SOHLH2: variants seen among roughly 807,000 people sequenced by gnomAD.
SOHLH2 encodes the protein spermatogenesis and oogenesis specific basic helix-loop-helix 2, also known as spermatogenesis- and oogenesis-specific basic helix-loop-helix-containing protein 2.
A neutral mutation model predicts 50.4 loss-of-function variants in SOHLH2; 22 were observed. The observed-to-expected ratio is 0.44, with a 90% CI of 0.31 to 0.62. SOHLH2 has a LOEUF of 0.62. Among genes scored for constraint, SOHLH2 ranks in the 20% least tolerant of loss-of-function variants. The pLI is 0.08. For missense variants in SOHLH2, 412 were observed against 504.4 expected (o/e 0.82, Z 1.76); for synonymous variants, 185 against 187.3 (o/e 0.99, Z 0.10).
intron 1 of SOHLH2, 25 bp from the exon 2 acceptor site, chr13:36,202,118 T>TCA (rs766734231): frequency 6.2e-7 from 1 of 1,612,540 alleles, no homozygotes; most frequent in East Asian, 2.2e-5. Flanking sequence ...AGCAGAGGCG[T>TCA]CACATAATTA....
intron 6 of SOHLH2, among the ~76,000 whole-genome samples, chr13:36,177,908 T>C (rs1887136108): frequency 6.6e-6 from 1 of 152,012 alleles, no homozygotes; most frequent in Non-Finnish European, 1.5e-5. Flanking sequence ...AAGTTTTAAA[T>C]TTTGATAAAT....
chr13:36,191,355 G>A (rs944772461), intron 5 of SOHLH2, among the ~76,000 whole-genome samples: 1 of 152,168 alleles, frequency 6.6e-6, no homozygotes, highest in Non-Finnish European at 1.5e-5. Flanking sequence ...CAATAACTGG[G>A]TGGATAGGTT....
At chr13:36,184,335 T>C (rs945263150) in intron 6 of SOHLH2, among the ~76,000 whole-genome samples, 6 of 152,004 alleles carry the variant, frequency 3.9e-5, no homozygotes, top group African/African-American at 1.5e-4. Context: ...TCAAAGTTGA[T>C]GAGATGCAGC....
chr13:36,212,092 A>G lies in SOHLH2; in HGVS notation c.48+2387T>C, dbSNP rs113981915. On this transcript the variant is annotated intron_variant, in intron 1 of 10. Transcript: ENST00000379881. ...GGGGAAAAAAAGTCAAGAAAGAGTT[A>G]TGAAGGGCAGAACATGCATAGTGGG... is the stretch of plus-strand genomic sequence containing the variant. 3.3e-5 allele frequency among the ~76,000 whole-genome samples: 5 copies of G among 152,302 alleles called. No homozygotes were observed. The East Asian group carries it at 9.7e-4, about 29-fold the overall frequency.
chr13:36,213,035 C>T (rs1408063685), intron 1 of SOHLH2, among the ~76,000 whole-genome samples: 1 of 152,174 alleles, frequency 6.6e-6, no homozygotes, highest in Non-Finnish European at 1.5e-5. Flanking sequence ...CAGAGCAGCC[C>T]ACAATCAGCA....
At chr13:36,183,802 G>A (rs1887325093) in intron 6 of SOHLH2, among the ~76,000 whole-genome samples, 1 of 152,150 alleles carries the variant, frequency 6.6e-6, no homozygotes, top group South Asian at 2.1e-4. Flanking sequence ...AAGACAGGGA[G>A]TACTAGCATA....
chr13:36,208,146 G>T (rs1375412779), intron 1 of SOHLH2, among the ~76,000 whole-genome samples: 1 of 152,150 alleles, frequency 6.6e-6, no homozygotes, highest in African/African-American at 2.4e-5. Flanking sequence ...GAGATGGTTT[G>T]AGGCTTTGCA....
intron 7 of SOHLH2, 76 bp from the exon 8 acceptor site, chr13:36,174,643 T>TA (rs1016589191): frequency 1.3e-6 from 2 of 1,598,234 alleles, no homozygotes; most frequent in East Asian, 2.2e-5. Context: ...TTTCCAATGA[T>TA]AAAAAATTAA....
intron 6 of SOHLH2, among the ~76,000 whole-genome samples, chr13:36,189,374 T>G (rs1887512553): frequency 1.3e-5 from 2 of 152,226 alleles, no homozygotes; most frequent in South Asian, 4.1e-4. Context: ...CTCTCATCTT[T>G]TGCCTCTTCC....
rs564634025 is a variant in SOHLH2, at chr13:36,193,772, G to GA, written c.325+33dup. 2,422 of 1,600,734 alleles carry GA rather than the reference G, an allele frequency of 1.5e-3. 5 individuals carry two copies. The highest frequency in any genetic ancestry group is 1.7e-3 in the Non-Finnish European group (1,960 of 1,176,432). ...ATTGACCTTATAGTTTCTATTTAGA[G>GA]AAAAAACAAATACTATATTTAGCAG... On this transcript the variant is annotated intron_variant, in intron 3 of 10. Transcript: ENST00000379881.
chr13:36,183,522 C>T (rs1887317381), intron 6 of SOHLH2, among the ~76,000 whole-genome samples: 2 of 151,870 alleles, frequency 1.3e-5, no homozygotes, highest in Admixed American at 1.3e-4. Context: ...CAAAGGAAGG[C>T]AGGTAATGAG....
chr13:36,209,446 C>T (rs1264453604), intron 1 of SOHLH2, among the ~76,000 whole-genome samples: 1 of 151,994 alleles, frequency 6.6e-6, no homozygotes, highest in Non-Finnish European at 1.5e-5. Context: ...GTTGGGAAGT[C>T]CAAGATCACA....
At chr13:36,189,880 T>A in intron 6 of SOHLH2, 66 bp downstream of exon 6, 1 of 1,433,376 alleles carries the variant, frequency 7.0e-7, no homozygotes, top group Non-Finnish European at 9.3e-7. Context: ...CTACAAAAAA[T>A]TATAAAATTC....
chr13:36,185,920 T>A (rs772234999), intron 6 of SOHLH2, among the ~76,000 whole-genome samples: 8 of 152,226 alleles, frequency 5.3e-5, no homozygotes, highest in Non-Finnish European at 1.0e-4. Flanking sequence ...GACTTCACCG[T>A]TGAATCCTAT....
At chr13:36,169,162 A>T in intron 10 of SOHLH2, 108 bp from the exon 11 acceptor site, 1 of 1,415,098 alleles carries the variant, frequency 7.1e-7, no homozygotes, top group Non-Finnish European at 9.3e-7. Flanking sequence ...ATGATTTGCA[A>T]AACTATGTTA....
chr13:36,211,971 T>C (rs1869151626), intron 1 of SOHLH2, among the ~76,000 whole-genome samples: 1 of 152,176 alleles, frequency 6.6e-6, no homozygotes, highest in African/African-American at 2.4e-5. Context: ...ACTGCCTAGC[T>C]TGAGCCTTTC....
chr13:36,188,593 T>C (rs2138293317), intron 6 of SOHLH2, among the ~76,000 whole-genome samples: 1 of 152,322 alleles, frequency 6.6e-6, no homozygotes, highest in African/African-American at 2.4e-5. Flanking sequence ...TACCAGCTCT[T>C]AACCTTACTT....
intron 2 of SOHLH2, among the ~76,000 whole-genome samples, chr13:36,196,807 G>A (rs1887745626): frequency 6.6e-6 from 1 of 152,058 alleles, no homozygotes; most frequent in South Asian, 2.1e-4. Context: ...AGACAAAGGT[G>A]GGATTCTTGG....
At chr13:36,211,275 A>G (rs1157902806) in intron 1 of SOHLH2, among the ~76,000 whole-genome samples, 4 of 152,232 alleles carry the variant, frequency 2.6e-5, no homozygotes, top group Non-Finnish European at 5.9e-5. Context: ...GTCCTGGGAT[A>G]TAGTTTGTAA....
Sources: gnomAD v4.1 joint callset for allele counts (sites outside exome capture counted in the v4.1 genomes callset) on GRCh38, gnomAD v4.1.1 for gene constraint, MANE v1.5 for transcripts, NCBI Gene and HGNC (gene_info 2026-07-23, HGNC 2026-07-21) for gene names.